Variants in ACSF2 observed in about 807,000 individuals in gnomAD.
The protein encoded by ACSF2 is acyl-CoA synthetase family member 2.
A neutral mutation model predicts 79.3 loss-of-function variants in ACSF2; 52 were observed. The observed-to-expected ratio is 0.66, with a 90% confidence interval of 0.53 to 0.83. The LOEUF (loss-of-function observed/expected upper bound fraction) is 0.83, where lower values mean the gene tolerates loss of function less well. Ranked by LOEUF, ACSF2 falls within the 40% of genes least tolerant of loss-of-function variation. ACSF2 has a pLI of 0.00. For synonymous variants in ACSF2, 283 were observed against 312.6 expected (o/e 0.91, Z 1.00); for missense variants, 661 against 803.3 (o/e 0.82, Z 2.14).
At chr17:50,450,086 A>G (rs1202653880) in intron 1 of ACSF2, 2 of 152,238 alleles carry the variant, frequency 1.3e-5, no homozygotes. Context: ...TTATCCTAAA[A>G]ACGGGTAACA....
Position 50,463,951 on chromosome 17 carries a change from G to A in ACSF2, c.1138+42G>A, listed in dbSNP as rs184135677. On this transcript the variant is annotated intron_variant, in intron 9 of 15. Transcript: ENST00000300441. This position sits in a 1 kb window ranked among gnomAD's most constrained non-coding sequence, Gnocchi z 4.6. ...GGCAGCCAGGCTTGGGGAGGGGGCTGCTTCCCCCACAGGAATGGCCCGGGT... is the reference window on the plus strand; with the variant it reads ...GGCAGCCAGGCTTGGGGAGGGGGCTACTTCCCCCACAGGAATGGCCCGGGT... 2.0e-4 allele frequency: 320 copies of A among 1,584,112 alleles called. No homozygotes were observed. The East Asian group carries it at 2.9e-3, about 14-fold the overall frequency.
intron 1 of ACSF2, chr17:50,426,847 C>G: frequency 6.6e-7 from 1 of 1,511,210 alleles, no homozygotes; most frequent in Non-Finnish European, 8.9e-7. Context: ...CAGCTGCTCA[C>G]TAACATGGCT....
chr17:50,426,893 TTCTG>T (rs765041561), intron 1 of ACSF2: 181 of 1,535,612 alleles, frequency 1.2e-4, no homozygotes, highest in Non-Finnish European at 1.5e-5. Context: ...GCCTATTTCC[TTCTG>T]TCCTCAGTGC....
Position 50,471,576 on chromosome 17 carries a change from G to A in ACSF2, c.1323+441G>A. ...TTCCCAAGCAGCCTATCCCTTTGGG[G>A]CGGTCCCTTTGCCCCTCAAAGGTTG... On this transcript the variant is annotated intron_variant, in intron 11 of 15. Coordinates refer to ENST00000300441, the MANE Select transcript of ACSF2 (RefSeq NM_025149.6). This position sits in a 1 kb window ranked among gnomAD's most constrained non-coding sequence, Gnocchi z 4.1. The A allele has an allele frequency of 5.4e-6, 1 of 186,850 alleles. No homozygotes were observed. Among genetic ancestry groups the A allele is most frequent in the East Asian group, 1.3e-4 (1 of 7,630 alleles). 11.6% of individuals were successfully genotyped at this position (186,850 alleles called of 1,614,324 possible). A position where few individuals can be genotyped will look rare whatever the true frequency, so the allele number is the denominator to read the frequency against.
At position 50,473,152 on chromosome 17, in the gene ACSF2, G is replaced by A. The variant is rs187677741; in HGVS notation, c.1476-513G>A. 388 of 156,814 alleles carry A rather than the reference G, an allele frequency of 2.5e-3. 1 individual carries two copies. The highest frequency in any genetic ancestry group is 4.1e-3 in the Non-Finnish European group (290 of 70,844). 9.7% of individuals were successfully genotyped at this position (156,814 alleles called of 1,614,324 possible). On this transcript the variant is annotated intron_variant, in intron 12 of 15. Transcript: ENST00000300441. ...CACGTGCCTGTAGTCCCAGCTACTC[G>A]GAGGCTGAGGCAGGAGAATCGCTGT...
At chr17:50,472,302 A>G in intron 11 of ACSF2, 126 bp from the exon 12 acceptor site, 1 of 1,136,592 alleles carries the variant, frequency 8.8e-7, no homozygotes, top group Non-Finnish European at 1.2e-6. Context: ...AAGCAGAGCC[A>G]GGGGGCCTCA....
At position 50,468,150 on chromosome 17, in the gene ACSF2, C is replaced by G. The variant is rs745415755; in HGVS notation, c.1216-2878C>G. The stretch of plus-strand genomic sequence containing the variant: ...GGGTTGTGGGACAGCTTCAGCTCCT[C>G]CACCACCCGTAGCTTGCTCAGGGCA... On this transcript the variant is annotated intron_variant, in intron 10 of 15. Coordinates refer to ENST00000300441, the MANE Select transcript of ACSF2 (RefSeq NM_025149.6). The G allele has an allele frequency of 1.7e-5, 28 of 1,614,068 alleles. No homozygotes were observed. In the Middle Eastern group the frequency reaches 8.2e-4, roughly 47 times the overall value.
chr17:50,452,721 C>G (rs956273877), intron 1 of ACSF2, among the ~76,000 whole-genome samples: 3 of 151,918 alleles, frequency 2.0e-5, no homozygotes, highest in African/African-American at 7.3e-5. Context: ...AAGTGGCCAC[C>G]CTTTATGCCC....
At chr17:50,450,678 C>G in intron 1 of ACSF2, 1 of 159,210 alleles carries the variant, frequency 6.3e-6, no homozygotes, top group East Asian at 1.6e-4. Flanking sequence ...ATGTGCCTTC[C>G]ACATTCCCTT....
Position 50,463,039 on chromosome 17 carries a change from G to T in ACSF2, c.793-117G>T, listed in dbSNP as rs2032446660. 1.2e-6 allele frequency: 1 copy of T among 827,492 alleles called. No homozygotes were observed. Among genetic ancestry groups the T allele is most frequent in the South Asian group, 1.6e-5 (1 of 62,112 alleles). 51.3% of individuals were successfully genotyped at this position (827,492 alleles called of 1,614,324 possible). A position where few individuals can be genotyped will look rare whatever the true frequency, so the allele number is the denominator to read the frequency against. On this transcript the variant is annotated intron_variant, in intron 6 of 15. Coordinates refer to ENST00000300441, the MANE Select transcript of ACSF2 (RefSeq NM_025149.6). The surrounding 1 kb of genome is among the most constrained non-coding windows in gnomAD (Gnocchi z 4.6). ...CCTTTTGCAAATATACTGAACAGAT[G>T]GATCTGGGGCAACAATCCCTGTCTC...
chr17:50,441,493 CA>C (rs1463875108), intron 1 of ACSF2, among the ~76,000 whole-genome samples: 5 of 152,158 alleles, frequency 3.3e-5, no homozygotes, highest in African/African-American at 1.2e-4. Context: ...CTTTTTAAGT[CA>C]CAGGGCTCTG....
At chr17:50,460,050 T>C (rs2032240020) in intron 1 of ACSF2, among the ~76,000 whole-genome samples, 1 of 152,186 alleles carries the variant, frequency 6.6e-6, no homozygotes, top group Non-Finnish European at 1.5e-5. Flanking sequence ...ATATAGGGGC[T>C]TTCTTCTTCA....
At chr17:50,468,040 C>A in intron 10 of ACSF2, 1 of 1,579,694 alleles carries the variant, frequency 6.3e-7, no homozygotes, top group Non-Finnish European at 8.6e-7. Flanking sequence ...AGGAGCTCAC[C>A]TTCTCCAGGT....
In ACSF2 at chr17:50,460,821, G is replaced by T. The variant is rs754538592; in HGVS notation, c.273G>T (p.Leu91Phe). The T allele has an allele frequency of 6.2e-7, 1 of 1,612,160 alleles. No homozygotes were observed. Among genetic ancestry groups the T allele is most frequent in the East Asian group, 2.2e-5 (1 of 44,808 alleles). ...TAQRVPEREA[L>F]VVLHEDVRLT... is the part of the protein sequence containing the mutation. ...AGAGGGTCCCAGAACGAGAGGCCTT[G>T]GTCGTCCTCCATGAAGACGTCAGGT... Residue 91 changes from leucine (L) to phenylalanine (F), a missense_variant, in exon 2 of 16, where the codon TTG (leucine) becomes TTT (phenylalanine). Coordinates refer to ENST00000300441, the MANE Select transcript of ACSF2 (RefSeq NM_025149.6).
At chr17:50,435,737 T>A (rs186682226) in intron 1 of ACSF2, among the ~76,000 whole-genome samples, 91 of 152,148 alleles carry the variant, frequency 6.0e-4, no homozygotes, top group African/African-American at 1.8e-3. Flanking sequence ...TTTAAAAAAA[T>A]TTTTTTATAA....
intron 10 of ACSF2, among the ~76,000 whole-genome samples, chr17:50,466,446 C>T (rs1232645846): frequency 6.6e-6 from 1 of 152,206 alleles, no homozygotes; most frequent in Non-Finnish European, 1.5e-5. Context: ...GTCCTTTGCC[C>T]TGGGTCACAG....
intron 10 of ACSF2, among the ~76,000 whole-genome samples, chr17:50,466,091 CTTT>C (rs1345682475): frequency 2.2e-4 from 27 of 120,198 alleles, no homozygotes; most frequent in Admixed American, 7.5e-4. Flanking sequence ...TTTTTTTTTC[CTTT>C]TTTTTTTTTT....
At chr17:50,439,267 G>A (rs1301217094) in intron 1 of ACSF2, among the ~76,000 whole-genome samples, 1 of 135,598 alleles carries the variant, frequency 7.4e-6, no homozygotes, top group African/African-American at 2.8e-5. Flanking sequence ...TTTAGAGATG[G>A]TCTTGCTATG....
intron 3 of ACSF2, 21 bp from the exon 4 acceptor site, chr17:50,461,612 T>C (rs2032331944): frequency 6.2e-7 from 1 of 1,613,944 alleles, no homozygotes; most frequent in Non-Finnish European, 8.5e-7. Flanking sequence ...AATACTGATA[T>C]GCCCTCGCCG....
Sources: gnomAD v4.1 joint callset for allele counts (sites outside exome capture counted in the v4.1 genomes callset) on GRCh38, gnomAD v4.1.1 for gene constraint, Gnocchi (gnomAD v3.1) non-coding constraint, MANE v1.5 for transcripts, NCBI Gene and HGNC (gene_info 2026-07-23, HGNC 2026-07-21) for gene names.